Variants in DLG5 observed in about 807,000 individuals in gnomAD.
DLG5 encodes discs large MAGUK scaffold protein 5, also known as disks large homolog 5.
Under a neutral mutation model 189.8 loss-of-function variants are expected in DLG5, and 48 were observed. That is an observed-to-expected ratio of 0.25 (90% CI 0.20 to 0.32). DLG5 has a LOEUF of 0.32. Ranked by LOEUF, DLG5 falls within the 10% of genes least tolerant of loss-of-function variation. The pLI is 1.00. For synonymous variants in DLG5, 1,016 were observed against 1,054.1 expected, an observed-to-expected ratio of 0.96 and a Z score of 0.70; for missense variants, 2,160 against 2,544.7, an observed-to-expected ratio of 0.85 and a Z score of 3.25.
At chr10:77,831,717 C>G (rs1027285727) in intron 9 of DLG5, among the ~76,000 whole-genome samples, 1 of 152,196 alleles carries the variant, frequency 6.6e-6, no homozygotes, top group African/African-American at 2.4e-5. Context: ...GATGCTGGAG[C>G]GACTGCACAT....
intron 17 of DLG5, 124 bp from the exon 18 acceptor site, chr10:77,818,013 G>A (rs1445320903): frequency 2.6e-6 from 2 of 759,126 alleles, no homozygotes; most frequent in African/African-American, 3.5e-5. Context: ...AGGAGCCACT[G>A]ATTATCAGCC....
At chr10:77,802,447 G>C (rs1362947687) in intron 27 of DLG5, among the ~76,000 whole-genome samples, 3 of 152,186 alleles carry the variant, frequency 2.0e-5, no homozygotes, top group African/African-American at 7.2e-5. Flanking sequence ...TCTGCAAGTT[G>C]TTCAGCAGAA....
the DLG5 span, among the ~76,000 whole-genome samples, chr10:77,935,791 G>A: frequency 7.2e-5 from 11 of 152,266 alleles, no homozygotes; most frequent in East Asian, 1.9e-4. Flanking sequence ...GTCTGAACAC[G>A]TGGATGTGTG....
At chr10:77,823,591 C>T (rs1445468878) in intron 14 of DLG5, among the ~76,000 whole-genome samples, 3 of 149,346 alleles carry the variant, frequency 2.0e-5, no homozygotes, top group African/African-American at 7.4e-5. Context: ...AGTGCAAAGG[C>T]GTGATCTCAG....
chr10:77,792,227 A>C lies in DLG5; in HGVS notation c.*213T>G. On this transcript the variant is annotated 3_prime_UTR_variant, in exon 32 of 32. Coordinates refer to ENST00000372391, the MANE Select transcript of DLG5 (RefSeq NM_004747.4). Reference sequence around the variant, plus strand: ...TGTTATCTGTTTTGTGTTAAAGCACACGTGTGACACGGGCAGAGTGTGTGG... The same window carrying C: ...TGTTATCTGTTTTGTGTTAAAGCACCCGTGTGACACGGGCAGAGTGTGTGG... The C allele has an allele frequency of 1.7e-6, 1 of 596,178 alleles. No homozygotes were observed. Among genetic ancestry groups the C allele is most frequent in the Non-Finnish European group, 3.0e-6 (1 of 335,038 alleles). 36.9% of individuals were successfully genotyped at this position (596,178 alleles called of 1,614,324 possible). A position where few individuals can be genotyped will look rare whatever the true frequency, so the allele number is the denominator to read the frequency against.
intron 1 of DLG5, among the ~76,000 whole-genome samples, chr10:77,921,341 G>A (rs1437326937): frequency 6.6e-6 from 1 of 152,168 alleles, no homozygotes; most frequent in Non-Finnish European, 1.5e-5. Context: ...GAGAACAAAA[G>A]GCCAGGCAAC....
At chr10:77,868,007 G>C (rs1382666240) in intron 2 of DLG5, 1 of 456,714 alleles carries the variant, frequency 2.2e-6, no homozygotes, top group Non-Finnish European at 4.4e-6. Context: ...GCAAACCAAG[G>C]AGCACCAAGG....
At chr10:77,837,757 GC>G in intron 7 of DLG5, among the ~76,000 whole-genome samples, 1 of 152,324 alleles carries the variant, frequency 6.6e-6, no homozygotes, top group African/African-American at 2.4e-5. Context: ...TCTACCCCAG[GC>G]TGCCTCGGCA....
chr10:77,927,222 G>C (rs1055075862), upstream of DLG5: 2 of 152,742 alleles, frequency 1.3e-5, no homozygotes, highest in Non-Finnish European at 2.9e-5. Flanking sequence ...ACGCGGCGCC[G>C]GCTGGTTCCC....
intron 1 of DLG5, among the ~76,000 whole-genome samples, chr10:77,877,822 T>C (rs1468384679): frequency 6.6e-6 from 1 of 152,090 alleles, no homozygotes; most frequent in Non-Finnish European, 1.5e-5. Flanking sequence ...TAGCCAAGCC[T>C]GACAGCACCC....
chr10:77,881,899 G>T (rs1316272000), intron 1 of DLG5, among the ~76,000 whole-genome samples: 3 of 152,222 alleles, frequency 2.0e-5, no homozygotes, highest in Non-Finnish European at 4.4e-5. Flanking sequence ...ACAGGTCGGG[G>T]ACATTCTGTC....
chr10:77,841,753 G>A (rs1843426287), intron 7 of DLG5, 128 bp downstream of exon 7: 1 of 1,048,208 alleles, frequency 9.5e-7, no homozygotes, highest in African/African-American at 1.6e-5. Flanking sequence ...CTTGCACTTA[G>A]GCCTCCAGTG....
At chr10:77,909,330 G>A (rs544156691) in intron 1 of DLG5, among the ~76,000 whole-genome samples, 2 of 152,204 alleles carry the variant, frequency 1.3e-5, no homozygotes, top group East Asian at 3.9e-4. Flanking sequence ...CACAAGGAGG[G>A]GAACATCACA....
intron 17 of DLG5, among the ~76,000 whole-genome samples, chr10:77,818,949 C>T (rs527471187): frequency 1.6e-4 from 25 of 152,284 alleles, no homozygotes; most frequent in African/African-American, 5.5e-4. Context: ...TGGCTTGGAG[C>T]CAGCCCACCC....
intron 27 of DLG5, among the ~76,000 whole-genome samples, chr10:77,799,954 G>A (rs1263691939): frequency 2.6e-5 from 4 of 152,042 alleles, no homozygotes; most frequent in Non-Finnish European, 4.4e-5. Flanking sequence ...AACATAAGAG[G>A]AAAACCAGTC....
intron 2 of DLG5, among the ~76,000 whole-genome samples, chr10:77,862,960 T>C (rs558980914): frequency 1.3e-5 from 2 of 152,278 alleles, no homozygotes; most frequent in East Asian, 3.9e-4. Flanking sequence ...ATTTTTAAGA[T>C]ACAGAGGGCA....
intron 1 of DLG5, among the ~76,000 whole-genome samples, chr10:77,894,535 G>C (rs960918279): frequency 1.5e-5 from 2 of 131,654 alleles, no homozygotes; most frequent in African/African-American, 5.6e-5. Context: ...TGTCAGCAAA[G>C]AATAAAGCTT....
chr10:77,822,055 T>C lies in DLG5; in HGVS notation c.2429A>G (p.Asn810Ser), dbSNP rs757995713. 39 of 1,614,124 alleles carry C rather than the reference T, an allele frequency of 2.4e-5. No homozygotes were observed. Among genetic ancestry groups the C allele is most frequent in the Non-Finnish European group, 3.3e-5 (39 of 1,180,006 alleles). Reference protein sequence around the residue: ...SSWSGQNIFENIKDSDKMLSF... With the variant: ...SSWSGQNIFESIKDSDKMLSF... ...CAGCATCTTATCAGAGTCTTTGATA[T>C]TTTCAAAAATGTTCTGGCCACTCCA... Residue 810 changes from asparagine to serine, a missense_variant, in exon 15 of 32, where the codon AAT (asparagine) becomes AGT (serine). Asn to Ser is a conservative substitution (Grantham distance 46). Coordinates refer to ENST00000372391, the MANE Select transcript of DLG5 (RefSeq NM_004747.4).
chr10:77,922,694 A>G (rs1035337008), intron 1 of DLG5, among the ~76,000 whole-genome samples: 2 of 152,166 alleles, frequency 1.3e-5, no homozygotes, highest in Non-Finnish European at 2.9e-5. Context: ...ACCAAAGATC[A>G]TAAGACACCA....
Sources: allele counts gnomAD v4.1 joint callset (sites outside exome capture counted in the v4.1 genomes callset), GRCh38; gene constraint gnomAD v4.1.1; transcripts MANE v1.5; gene names NCBI Gene and HGNC (gene_info 2026-07-23, HGNC 2026-07-21).